The following GANAB variants were observed in gnomAD, a reference collection of about 807,000 sequenced individuals.
The protein encoded by GANAB is glucosidase II alpha subunit, also known as neutral alpha-glucosidase AB.
GANAB carries 35 observed loss-of-function variants against 129.9 expected under a neutral mutation model. The ratio of observed to expected loss-of-function variants is 0.27; its 90% CI spans 0.21 to 0.36. The LOEUF (loss-of-function observed/expected upper bound fraction) is 0.36, where lower values mean the gene tolerates loss of function less well. GANAB is among the 10% of genes least tolerant of loss of function. The pLI is 1.00. For missense variants in GANAB, 939 were observed against 1,221.0 expected (o/e 0.77, Z 3.44); for synonymous variants, 482 against 451.8 (o/e 1.07, Z -0.85).
chr11:62,636,669 G>A (rs566131923), intron 4 of GANAB, among the ~76,000 whole-genome samples: 3 of 152,176 alleles, frequency 2.0e-5, no homozygotes, highest in Admixed American at 6.6e-5. Flanking sequence ...ACAAAAAGTA[G>A]CCGGGTATAG....
rs754052468 is a variant in GANAB at position 62,629,598 on chromosome 11, G to A, written c.1824C>T (p.Ser608=). The change falls in exon 15 of 24, where the codon TCC becomes TCT. Residue 608 remains serine, a synonymous_variant. Transcript: ENST00000356638. ...TTCTCTAAACCTTACCAAAGCGCTGGGAGCCAGCGAAGAAGGCCCTGGCCA... is the reference window on the plus strand; with the variant it reads ...TTCTCTAAACCTTACCAAAGCGCTGAGAGCCAGCGAAGAAGGCCCTGGCCA... ...FVLARAFFAG[S]QRFGAVWTGD... is the part of the protein sequence containing the mutation. 3.7e-6 allele frequency: 6 copies of A among 1,605,452 alleles called. No homozygotes were observed. In the African/African-American group the frequency reaches 8.0e-5, roughly 22 times the overall value.
rs772584132 is a variant in GANAB at position 62,639,051 on chromosome 11, A to G, written c.312T>C (p.Asp104=). Residue 104 remains aspartate, a synonymous_variant, in exon 4 of 24, where the codon GAT becomes GAC. Coordinates refer to ENST00000356638, the MANE Select transcript of GANAB (RefSeq NM_198334.3). ...LQKNMTRFRI[D]ELEPRRPRYR... ...ATCGGGGTCGCCGAGGCTCCAGCTC[A>G]TCAATCCTGAACCGAGTCATGTTCT... The G allele has an allele frequency of 6.2e-7, 1 of 1,613,994 alleles. No homozygotes were observed. The highest frequency in any genetic ancestry group is 8.5e-7 in the Non-Finnish European group (1 of 1,179,880).
chr11:62,632,360 C>T (rs1437258527), intron 9 of GANAB, among the ~76,000 whole-genome samples: 3 of 152,126 alleles, frequency 2.0e-5, no homozygotes, highest in South Asian at 2.1e-4. Context: ...AAGTGCATTC[C>T]GTCAGCCCAG....
At chr11:62,644,269 C>T (rs562129879) in intron 1 of GANAB, among the ~76,000 whole-genome samples, 192 of 152,164 alleles carry the variant, frequency 1.3e-3, no homozygotes, top group African/African-American at 4.4e-3. Flanking sequence ...ACATGCTCTC[C>T]CAGTGACACT....
chr11:62,640,259 C>T (rs1368103519), intron 1 of GANAB, among the ~76,000 whole-genome samples: 3 of 57,942 alleles, frequency 5.2e-5, no homozygotes, highest in East Asian at 2.1e-3. Flanking sequence ...AAAAGCCAGG[C>T]GCGGTGGCTC....
rs746137972 is a variant in GANAB at position 62,629,239 on chromosome 11, G to A, written c.1891C>T (p.Pro631Ser). ...ACCAGCCCCAAGCTGAGACACATAG[G>A]AATAGAGATCTTCAAATGGTCCCAC... is the stretch of plus-strand genomic sequence containing the variant. ...AEWDHLKISI[P>S]MCLSLGLVGL... Residue 631 changes from proline (P) to serine (S), a missense_variant, in exon 16 of 24, where the codon CCT (proline) becomes TCT (serine). Around this residue, in one of 5 missense-constraint regions of GANAB, gnomAD observed 147 missense variants for 282.4 expected, o/e 0.52. Transcript: ENST00000356638. 11 of 1,613,520 alleles carry A rather than the reference G, an allele frequency of 6.8e-6. No individual in the cohort carries two copies. The highest frequency in any genetic ancestry group is 9.3e-6 in the Non-Finnish European group (11 of 1,179,554).
At chr11:62,635,189 C>CT (rs542351323) in intron 4 of GANAB, among the ~76,000 whole-genome samples, 189 bp from the exon 5 acceptor site, 103 of 145,250 alleles carry the variant, frequency 7.1e-4, no homozygotes, top group African/African-American at 1.3e-3. Flanking sequence ...TTACTTTTTT[C>CT]TTTTTTTTTT....
At chr11:62,638,117 G>C (rs932851028) in intron 4 of GANAB, among the ~76,000 whole-genome samples, 1 of 152,180 alleles carries the variant, frequency 6.6e-6, no homozygotes, top group Admixed American at 6.6e-5. Flanking sequence ...GAGCCGTCAA[G>C]GGTACAGGAC....
chr11:62,632,987 T>TG lies in GANAB; in HGVS notation c.815+17dup. ...TTCCTGCCCACCTCCATCTTCCTGA[T>TG]GTCACCATAGGACTCACTCAGTGAC... On this transcript the variant is annotated intron_variant, in intron 8 of 23. Transcript: ENST00000356638. The TG allele has an allele frequency of 6.9e-7, 1 of 1,448,898 alleles. No individual in the cohort carries two copies. The highest frequency in any genetic ancestry group is 9.7e-7 in the Non-Finnish European group (1 of 1,029,668). 89.8% of individuals were successfully genotyped at this position (1,448,898 alleles called of 1,614,324 possible).
chr11:62,628,689 A>G, intron 17 of GANAB, 80 bp downstream of exon 17: 1 of 1,440,378 alleles, frequency 6.9e-7, no homozygotes, highest in Non-Finnish European at 9.7e-7. Flanking sequence ...GAGTGAAGAA[A>G]GAGACCCAGA....
chr11:62,634,615 G>C, intron 5 of GANAB: 1 of 612,200 alleles, frequency 1.6e-6, no homozygotes. Context: ...TACAGCTCAG[G>C]GACAAAAGTG....
At position 62,625,631 on chromosome 11, in the gene GANAB, GA is replaced by G; in HGVS notation, c.*183del. The G allele has an allele frequency of 1.7e-6, 1 of 603,598 alleles. No homozygotes were observed. Among genetic ancestry groups the G allele is most frequent in the Admixed American group, 2.8e-5 (1 of 36,124 alleles). 37.4% of individuals were successfully genotyped at this position (603,598 alleles called of 1,614,324 possible). A position where few individuals can be genotyped will look rare whatever the true frequency, so the allele number is the denominator to read the frequency against. The stretch of plus-strand genomic sequence containing the variant: ...GTATCAATGGAGTGGGAGAGGTGAG[GA>G]GATCACAAGAGGAATTTGGAGCCCA... On this transcript the variant is annotated 3_prime_UTR_variant, in exon 24 of 24. Coordinates refer to ENST00000356638, the MANE Select transcript of GANAB (RefSeq NM_198334.3).
chr11:62,630,567 CCT>C (rs751898949), intron 11 of GANAB, 32 bp downstream of exon 11: 29 of 1,611,808 alleles, frequency 1.8e-5, no homozygotes, highest in Non-Finnish European at 2.3e-5. Flanking sequence ...TCAGCCCTAC[CCT>C]GAGAAGACCA....
At chr11:62,634,764 C>G in intron 5 of GANAB, 57 bp downstream of exon 5, 1 of 1,428,318 alleles carries the variant, frequency 7.0e-7, no homozygotes, top group African/African-American at 1.4e-5. Flanking sequence ...CCAGACCTCA[C>G]AACACCCCTA....
intron 16 of GANAB, 80 bp downstream of exon 16, chr11:62,629,114 G>A (rs1348922444): frequency 6.5e-7 from 1 of 1,537,964 alleles, no homozygotes; most frequent in East Asian, 2.3e-5. Flanking sequence ...AACTCTCTTT[G>A]CTTACAACAC....
In GANAB at chr11:62,643,629, C is replaced by T. The variant is rs572264427; in HGVS notation, c.38+2933G>A. Among the ~76,000 whole-genome samples the T allele has an allele frequency of 2.9e-3, 434 of 151,996 alleles. 1 individual carries two copies. The highest frequency in any genetic ancestry group is 4.5e-3 in the Non-Finnish European group (303 of 67,976). On this transcript the variant is annotated intron_variant, in intron 1 of 23. Coordinates refer to ENST00000356638, the MANE Select transcript of GANAB (RefSeq NM_198334.3). ...CTGCATTCCAGCCTGGGCGACACAG[C>T]GAAACACCACCTAGAAAAAAATAGA... is the stretch of plus-strand genomic sequence containing the variant.
intron 1 of GANAB, 65 bp from the exon 2 acceptor site, chr11:62,639,796 G>C: frequency 1.1e-6 from 1 of 938,880 alleles, no homozygotes; most frequent in East Asian, 2.4e-5. Context: ...CCTTCAAAAG[G>C]AAAAGCTTCT....
At chr11:62,636,963 G>C (rs1943973464) in intron 4 of GANAB, among the ~76,000 whole-genome samples, 1 of 151,570 alleles carries the variant, frequency 6.6e-6, no homozygotes, top group East Asian at 1.9e-4. Context: ...CTGACCTTGG[G>C]GTAGATAAAG....
At chr11:62,631,206 G>T (rs755560781) in intron 9 of GANAB, 23 bp from the exon 10 acceptor site, 7 of 1,523,972 alleles carry the variant, frequency 4.6e-6, no homozygotes, top group Non-Finnish European at 5.3e-6. Flanking sequence ...CCACAAAGGG[G>T]TCAGACACCT....
Sources: allele counts gnomAD v4.1 joint callset (sites outside exome capture counted in the v4.1 genomes callset), GRCh38; gene constraint gnomAD v4.1.1; regional missense constraint gnomAD v4.1.1; transcripts MANE v1.5; gene names NCBI Gene and HGNC (gene_info 2026-07-23, HGNC 2026-07-21).